KCNMB3: variants seen among roughly 807,000 people sequenced by gnomAD.
The protein encoded by KCNMB3 is calcium-activated potassium channel subunit beta-3.
In KCNMB3, 18 loss-of-function variants were observed where a neutral mutation model predicts 11.9. The ratio of observed to expected loss-of-function variants is 1.51; its 90% confidence interval spans 1.04 to 2.23. The LOEUF (loss-of-function observed/expected upper bound fraction) is 2.23, where lower values mean the gene tolerates loss of function less well. Ranked by LOEUF, KCNMB3 falls within the 30% of genes most tolerant of loss-of-function variation. The pLI is 0.00. For synonymous variants in KCNMB3, 78 were observed against 119.2 expected (o/e 0.65, Z 2.25); for missense variants, 247 against 329.4 (o/e 0.75, Z 1.94).
exon 1 of KCNMB3, chr3:179,266,946 C>T: frequency 1.5e-6 from 2 of 1,326,296 alleles, no homozygotes; most frequent in Non-Finnish European, 1.9e-6. Context: ...TCTAGATGAT[C>T]AAGAAGGACC....
chr3:179,254,093 G>A (rs532135240), upstream of KCNMB3, among the ~76,000 whole-genome samples: 23 of 152,316 alleles, frequency 1.5e-4, no homozygotes, highest in South Asian at 4.8e-3. Context: ...TTGTTTCACA[G>A]TTTATAGGGT....
At chr3:179,246,138 G>A (rs1220305457) in intron 1 of KCNMB3, among the ~76,000 whole-genome samples, 4 of 151,986 alleles carry the variant, frequency 2.6e-5, no homozygotes, top group Admixed American at 6.6e-5. Context: ...AGGGCCAGGC[G>A]CAGTGGCTCA....
At chr3:179,261,834 C>A (rs190397043) in intron 1 of KCNMB3, among the ~76,000 whole-genome samples, 26 of 152,260 alleles carry the variant, frequency 1.7e-4, no homozygotes, top group Admixed American at 1.5e-3. Flanking sequence ...GATGTAATCC[C>A]ACTGTAAATG....
At chr3:179,262,593 C>T (rs1726255344) in intron 1 of KCNMB3, among the ~76,000 whole-genome samples, 1 of 152,226 alleles carries the variant, frequency 6.6e-6, no homozygotes, top group Non-Finnish European at 1.5e-5. Context: ...GGGCAGCCTA[C>T]TTTTATTCTC....
intron 1 of KCNMB3, among the ~76,000 whole-genome samples, chr3:179,266,278 TG>T (rs1366800668): frequency 6.6e-6 from 1 of 152,154 alleles, no homozygotes; most frequent in African/African-American, 2.4e-5. Flanking sequence ...CCAAGGGCTG[TG>T]ACTCCAGGGC....
intron 1 of KCNMB3, chr3:179,259,647 G>A (rs1726136160): frequency 6.2e-7 from 1 of 1,609,276 alleles, no homozygotes; most frequent in African/African-American, 1.3e-5. Flanking sequence ...ACTTAAATCT[G>A]TGTTCTGATA....
intron 1 of KCNMB3, among the ~76,000 whole-genome samples, chr3:179,248,817 G>A (rs1331046351): frequency 6.6e-6 from 1 of 151,460 alleles, no homozygotes; most frequent in East Asian, 1.9e-4. Flanking sequence ...TATTTTGTAT[G>A]TTTATATGTA....
At chr3:179,240,114 C>T (rs749052798), downstream of KCNMB3, 6 of 1,282,306 alleles carry the variant, frequency 4.7e-6, no homozygotes, top group East Asian at 2.5e-5. Flanking sequence ...CCAAACAATC[C>T]TTAGTGTACT....
At chr3:179,252,849 C>G (rs1045166858), upstream of KCNMB3, among the ~76,000 whole-genome samples, 1 of 151,502 alleles carries the variant, frequency 6.6e-6, no homozygotes, top group African/African-American at 2.4e-5. Context: ...CTCCTGCCTC[C>G]GCCTCCTGAG....
chr3:179,250,866 T>A lies in KCNMB3; in HGVS notation c.125A>T (p.His42Leu). Residue 42 changes from histidine (H) to leucine (L), a missense_variant, in exon 1 of 3, where the codon CAC (histidine) becomes CTC (leucine). This residue lies in a region of KCNMB3 where 160 missense variants were observed against 157.5 expected (regional missense o/e 1.02). Coordinates refer to ENST00000392685, the MANE Select transcript of KCNMB3 (RefSeq NM_171830.2). ...DYSDGDPLDV[H>L]KRLPSSAGED... ...TCCAGCACTGGATGGCAGCCTCTTG[T>A]GCACATCTAGTGGGTCTCCATCACT... The A allele has an allele frequency of 6.2e-7, 1 of 1,614,178 alleles. No individual in the cohort carries two copies. The highest frequency in any genetic ancestry group is 8.5e-7 in the Non-Finnish European group (1 of 1,180,026).
At chr3:179,261,016 T>C (rs1449711963) in intron 1 of KCNMB3, 4 of 981,122 alleles carry the variant, frequency 4.1e-6, no homozygotes, top group Non-Finnish European at 6.6e-6. Context: ...CTCCGCTGCC[T>C]CTCTGAGAGG....
rs141072487 is a variant in KCNMB3, at chr3:179,250,664, G to A, written c.248+79C>T. 778 of 1,419,812 alleles carry A rather than the reference G, an allele frequency of 5.5e-4. 3 individuals are homozygous for A. In the African/African-American group the frequency reaches 0.01, roughly 19 times the overall value. 88.0% of individuals were successfully genotyped at this position (1,419,812 alleles called of 1,614,324 possible). ...GAGAGTCACAGATTGAGAAACCAAA[G>A]CCAGCCTCTCCTCCTTTACCGCTGT... is the stretch of plus-strand genomic sequence containing the variant. On this transcript the variant is annotated intron_variant, in intron 1 of 2. Transcript: ENST00000392685.
chr3:179,246,753 C>T (rs758369488), intron 1 of KCNMB3, among the ~76,000 whole-genome samples: 4 of 152,184 alleles, frequency 2.6e-5, no homozygotes, highest in Non-Finnish European at 5.9e-5. Flanking sequence ...AGAACTTAAG[C>T]TCTCTAAATC....
intron 2 of KCNMB3, among the ~76,000 whole-genome samples, chr3:179,244,021 GTATAAA>G (rs1041590979): frequency 6.6e-6 from 1 of 152,120 alleles, no homozygotes; most frequent in African/African-American, 2.4e-5. Context: ...TTATAGTTAG[GTATAAA>G]TATAAATTTT....
At chr3:179,244,830 GA>G in intron 1 of KCNMB3, 137 bp from the exon 2 acceptor site, 1 of 730,200 alleles carries the variant, frequency 1.4e-6, no homozygotes. Flanking sequence ...GGTGGTGCAG[GA>G]TCCTTACAGC....
At chr3:179,255,147 A>C (rs1334751784), upstream of KCNMB3, among the ~76,000 whole-genome samples, 1 of 149,864 alleles carries the variant, frequency 6.7e-6, no homozygotes, top group African/African-American at 2.4e-5. Context: ...TCTGGGCAAC[A>C]GAGCAAGACT....
upstream of KCNMB3, chr3:179,251,246 A>C: frequency 6.7e-7 from 1 of 1,494,516 alleles, no homozygotes; most frequent in Admixed American, 2.2e-5. Context: ...AGTGTTACGA[A>C]CTTTGTTATC....
upstream of KCNMB3, among the ~76,000 whole-genome samples, chr3:179,252,849 C>A (rs1045166858): frequency 3.3e-5 from 5 of 151,614 alleles, no homozygotes; most frequent in Non-Finnish European, 5.9e-5. Context: ...CTCCTGCCTC[C>A]GCCTCCTGAG....
At chr3:179,260,040 A>C in intron 1 of KCNMB3, 4 of 1,612,138 alleles carry the variant, frequency 2.5e-6, no homozygotes, top group Non-Finnish European at 3.4e-6. Flanking sequence ...ACTATGCCCT[A>C]TGCTTGTCTC....
Sources: allele counts gnomAD v4.1 joint callset (sites outside exome capture counted in the v4.1 genomes callset), GRCh38; gene constraint gnomAD v4.1.1; regional missense constraint gnomAD v4.1.1; transcripts MANE v1.5; gene names NCBI Gene and HGNC (gene_info 2026-07-23, HGNC 2026-07-21).